The following USP32 variants were observed in gnomAD, a reference collection of about 807,000 sequenced individuals.
USP32 encodes the protein ubiquitin specific peptidase 32, also known as ubiquitin carboxyl-terminal hydrolase 32.
In USP32, 59 loss-of-function variants were observed where a neutral mutation model predicts 204.8. That is an observed-to-expected ratio of 0.29 (90% CI 0.23 to 0.36). USP32 has a LOEUF of 0.36. Among genes scored for constraint, USP32 ranks in the 10% least tolerant of loss-of-function variants. USP32 has a pLI of 1.00. For synonymous variants in USP32, 517 were observed against 678.4 expected, an observed-to-expected ratio of 0.76 and a Z score of 3.70; for missense variants, 1,160 against 1,946.4, an observed-to-expected ratio of 0.60 and a Z score of 7.60.
intron 16 of USP32, among the ~76,000 whole-genome samples, chr17:60,218,632 C>T (rs1959862591): frequency 6.6e-6 from 1 of 151,902 alleles, no homozygotes; most frequent in Non-Finnish European, 1.5e-5. Flanking sequence ...GAGACAGAGT[C>T]TCACTCCGTC....
intron 10 of USP32, 103 bp downstream of exon 10, chr17:60,255,072 G>A (rs1223730481): frequency 3.2e-6 from 2 of 619,416 alleles, no homozygotes; most frequent in Non-Finnish European, 5.1e-6. Context: ...TTAATATATG[G>A]TTTTGCAGCC....
intron 6 of USP32, 123 bp from the exon 7 acceptor site, chr17:60,269,680 A>G: frequency 1.5e-6 from 1 of 666,870 alleles, no homozygotes; most frequent in South Asian, 2.2e-5. Context: ...TAAGTTTATT[A>G]GTAGTTCCTA....
intron 7 of USP32, among the ~76,000 whole-genome samples, chr17:60,266,657 T>G (rs1598167339): frequency 8.3e-6 from 1 of 120,076 alleles, no homozygotes; most frequent in Non-Finnish European, 1.9e-5. Flanking sequence ...CCCAGGTAAT[T>G]TTTTTTTTTT....
At chr17:60,353,692 G>C (rs889812325) in intron 1 of USP32, among the ~76,000 whole-genome samples, 3 of 152,158 alleles carry the variant, frequency 2.0e-5, no homozygotes, top group Non-Finnish European at 4.4e-5. Flanking sequence ...GGTGAGCAGA[G>C]ATTGCACCAC....
intron 2 of USP32, among the ~76,000 whole-genome samples, chr17:60,329,512 T>C (rs2145962444): frequency 6.6e-6 from 1 of 151,944 alleles, no homozygotes; most frequent in Admixed American, 6.6e-5. Flanking sequence ...TCTCACTATG[T>C]TGCCCAGGCT....
chr17:60,283,936 G>A (rs1598192576), intron 5 of USP32, among the ~76,000 whole-genome samples: 2 of 151,968 alleles, frequency 1.3e-5, no homozygotes, highest in East Asian at 3.9e-4. Flanking sequence ...CTGATCCACT[G>A]GAAATAACTT....
intron 2 of USP32, among the ~76,000 whole-genome samples, chr17:60,311,257 T>C (rs2087845625): frequency 6.6e-6 from 1 of 152,170 alleles, no homozygotes; most frequent in Non-Finnish European, 1.5e-5. Flanking sequence ...CCAAAAAATG[T>C]ATCTATTATG....
intron 9 of USP32, among the ~76,000 whole-genome samples, chr17:60,264,345 G>A (rs2086530666): frequency 6.8e-6 from 1 of 148,074 alleles, no homozygotes; most frequent in African/African-American, 2.5e-5. Context: ...GGCGAGACCT[G>A]GTCTCTACAA....
intron 2 of USP32, among the ~76,000 whole-genome samples, chr17:60,332,280 G>A (rs1053846110): frequency 4.6e-5 from 7 of 151,588 alleles, no homozygotes; most frequent in South Asian, 2.1e-4. Flanking sequence ...ACAGTCAATC[G>A]GTTTTGTCAT....
intron 1 of USP32, among the ~76,000 whole-genome samples, chr17:60,365,278 A>G (rs774743330): frequency 1.4e-4 from 22 of 152,070 alleles, no homozygotes; most frequent in Admixed American, 3.3e-4. Flanking sequence ...TAGGAGTTAG[A>G]GACCAGCCTG....
intron 3 of USP32, among the ~76,000 whole-genome samples, chr17:60,297,758 G>A (rs992786062): frequency 1.1e-4 from 17 of 152,198 alleles, no homozygotes; most frequent in Admixed American, 9.8e-4. Context: ...ATCATGGCAT[G>A]AGCCACCGTG....
chr17:60,285,739 G>A (rs144618313), intron 5 of USP32, among the ~76,000 whole-genome samples: 1 of 152,070 alleles, frequency 6.6e-6, no homozygotes, highest in African/African-American at 2.4e-5. Context: ...GGCAAGAAAA[G>A]GTTTCATGAA....
At chr17:60,379,478 G>C in intron 1 of USP32, among the ~76,000 whole-genome samples, 2 of 152,050 alleles carry the variant, frequency 1.3e-5, no homozygotes, top group Non-Finnish European at 2.9e-5. Context: ...ATCTCTGCCA[G>C]GATCACAAGA....
intron 1 of USP32, among the ~76,000 whole-genome samples, chr17:60,379,561 A>C (rs1428324777): frequency 2.0e-5 from 3 of 152,204 alleles, no homozygotes; most frequent in Admixed American, 1.3e-4. Flanking sequence ...TGAGATGCGC[A>C]AAAGTCTTCT....
chr17:60,333,683 A>G (rs1457312737), intron 2 of USP32, among the ~76,000 whole-genome samples: 2 of 151,560 alleles, frequency 1.3e-5, no homozygotes, highest in Admixed American at 6.6e-5. Context: ...GGAGGGAGGG[A>G]AAGAAAAGAG....
At chr17:60,366,747 G>GT (rs370187966) in intron 1 of USP32, among the ~76,000 whole-genome samples, 220 of 144,890 alleles carry the variant, frequency 1.5e-3, no homozygotes, top group Middle Eastern at 3.6e-3. Context: ...AAAAAAGTTG[G>GT]TTTTTTTTTT....
intron 1 of USP32, among the ~76,000 whole-genome samples, chr17:60,398,539 C>T (rs2089914435): frequency 6.6e-6 from 1 of 152,106 alleles, no homozygotes; most frequent in Admixed American, 6.5e-5. Flanking sequence ...GTTGGCAAGC[C>T]CCTCATGCCT....
At chr17:60,319,770 A>AC (rs1023012782) in intron 2 of USP32, among the ~76,000 whole-genome samples, 8 of 152,162 alleles carry the variant, frequency 5.3e-5, no homozygotes, top group African/African-American at 1.9e-4. Context: ...ACAGAGTGAG[A>AC]CCCCATCTCA....
intron 5 of USP32, among the ~76,000 whole-genome samples, chr17:60,275,735 G>A (rs73318808): frequency 0.046 from 6,906 of 151,536 alleles, 553 homozygotes; most frequent in African/African-American, 0.16. Flanking sequence ...TTTCCAAGAC[G>A]GAATCTCACT....
Sources: allele counts gnomAD v4.1 joint callset (sites outside exome capture counted in the v4.1 genomes callset), GRCh38; gene constraint gnomAD v4.1.1; transcripts MANE v1.5; gene names NCBI Gene and HGNC (gene_info 2026-07-23, HGNC 2026-07-21).